TIAM1: variants seen among roughly 807,000 people sequenced by gnomAD.
TIAM1 encodes TIAM Rac1 associated GEF 1, also known as rho guanine nucleotide exchange factor TIAM1.
A neutral mutation model predicts 163.5 loss-of-function variants in TIAM1; 65 were observed. That is an observed-to-expected ratio of 0.40 (90% CI 0.33 to 0.49). The LOEUF (loss-of-function observed/expected upper bound fraction) is 0.49. Among genes scored for constraint, TIAM1 ranks in the 20% least tolerant of loss-of-function variants. The pLI is 0.77. For missense variants in TIAM1, 1,789 were observed against 2,044.7 expected (o/e 0.87, Z 2.41); for synonymous variants, 833 against 810.1 (o/e 1.03, Z -0.48).
Position 31,155,312 on chromosome 21 carries a change from G to C in TIAM1, c.2992-886C>G, listed in dbSNP as rs4452238. On this transcript the variant is annotated intron_variant, in intron 16 of 27. Coordinates refer to ENST00000541036, the MANE Select transcript of TIAM1 (RefSeq NM_001353694.2). Reference sequence around the variant, plus strand: ...TTGGCTGCTTATGAGAATCACTGGGGAGCTTTTCAACCTCCCGATGCCCAT... The same window carrying C: ...TTGGCTGCTTATGAGAATCACTGGGCAGCTTTTCAACCTCCCGATGCCCAT... Among the ~76,000 whole-genome samples the C allele has an allele frequency of 4.8e-3, 728 of 152,288 alleles. 5 individuals are homozygous for C. Among genetic ancestry groups the C allele is most frequent in the Non-Finnish European group, 8.3e-3 (562 of 68,038 alleles).
chr21:31,379,658 A>G (rs890401181), intron 2 of TIAM1, among the ~76,000 whole-genome samples: 1 of 152,228 alleles, frequency 6.6e-6, no homozygotes, highest in African/African-American at 2.4e-5. Flanking sequence ...TAAATAAAAT[A>G]TGGTACAGCC....
At chr21:31,348,616 T>G (rs1474309878), upstream of TIAM1, among the ~76,000 whole-genome samples, 1 of 152,252 alleles carries the variant, frequency 6.6e-6, no homozygotes, top group Non-Finnish European at 1.5e-5. Context: ...CCAAAATCAA[T>G]TTTTTATATT....
At chr21:31,347,763 T>C (rs1361995732), upstream of TIAM1, among the ~76,000 whole-genome samples, 2 of 148,264 alleles carry the variant, frequency 1.3e-5, no homozygotes. Flanking sequence ...CTGCAAACCC[T>C]GACACCCTTA....
intron 2 of TIAM1, among the ~76,000 whole-genome samples, chr21:31,358,187 G>A (rs1435041630): frequency 6.6e-6 from 1 of 152,128 alleles, no homozygotes; most frequent in Non-Finnish European, 1.5e-5. Flanking sequence ...AATGAGGCAG[G>A]GATAAAGGAC....
intron 2 of TIAM1, among the ~76,000 whole-genome samples, chr21:31,292,494 C>T (rs548488132): frequency 5.3e-5 from 8 of 151,690 alleles, no homozygotes; most frequent in South Asian, 4.2e-4. Flanking sequence ...CTCAGCCTCC[C>T]GAGTAGCTGG....
At chr21:31,131,269 A>C (rs2082404325) in intron 23 of TIAM1, among the ~76,000 whole-genome samples, 1 of 152,260 alleles carries the variant, frequency 6.6e-6, no homozygotes, top group African/African-American at 2.4e-5. Flanking sequence ...ATTCAACAAA[A>C]ATGTACTAAT....
chr21:31,503,828 A>G (rs2046943772), intron 1 of TIAM1, among the ~76,000 whole-genome samples: 1 of 151,276 alleles, frequency 6.6e-6, no homozygotes, highest in African/African-American at 2.4e-5. Context: ...AGACATCACT[A>G]GCCTAAAATA....
intron 4 of TIAM1, among the ~76,000 whole-genome samples, chr21:31,256,588 T>TAC (rs5030999): frequency 0.039 from 5,046 of 128,190 alleles, 226 homozygotes; most frequent in African/African-American, 0.091. Context: ...TACCCCTCAC[T>TAC]ACACACACAC....
intron 7 of TIAM1, among the ~76,000 whole-genome samples, chr21:31,225,016 C>CTA (rs1294784488): frequency 1.8e-4 from 28 of 152,036 alleles, no homozygotes; most frequent in Admixed American, 2.0e-4. Context: ...ATATATCTCT[C>CTA]TCTATATATA....
intron 2 of TIAM1, among the ~76,000 whole-genome samples, chr21:31,425,175 T>G (rs986461030): frequency 6.6e-6 from 1 of 152,194 alleles, no homozygotes; most frequent in Non-Finnish European, 1.5e-5. Context: ...ACTCTCATCC[T>G]GAACTCTCTT....
intron 2 of TIAM1, among the ~76,000 whole-genome samples, chr21:31,364,916 C>G (rs112397995): frequency 0.029 from 4,387 of 152,300 alleles, 94 homozygotes; most frequent in African/African-American, 0.065. Flanking sequence ...CATATACTCT[C>G]TATTGAGCTC....
At chr21:31,516,064 C>T (rs550400181) in intron 1 of TIAM1, among the ~76,000 whole-genome samples, 6 of 144,912 alleles carry the variant, frequency 4.1e-5, no homozygotes, top group African/African-American at 1.6e-4. Flanking sequence ...GCCAAGAAGG[C>T]GTCACCACAC....
intron 2 of TIAM1, among the ~76,000 whole-genome samples, chr21:31,364,585 T>C (rs1275326784): frequency 2.6e-5 from 4 of 152,210 alleles, no homozygotes; most frequent in Non-Finnish European, 5.9e-5. Context: ...GCTCTACCTA[T>C]AGGAATTGTT....
intron 17 of TIAM1, among the ~76,000 whole-genome samples, chr21:31,153,664 C>A (rs2083479928): frequency 1.3e-5 from 2 of 152,044 alleles, no homozygotes; most frequent in South Asian, 4.2e-4. Context: ...ATACCCTCAA[C>A]TTTTAAAAAA....
At chr21:31,519,640 T>C (rs750316575) in intron 1 of TIAM1, among the ~76,000 whole-genome samples, 11 of 150,748 alleles carry the variant, frequency 7.3e-5, no homozygotes, top group South Asian at 2.1e-4. Flanking sequence ...AGCCAAAAGA[T>C]AGAAGTAACC....
intron 1 of TIAM1, among the ~76,000 whole-genome samples, chr21:31,491,825 A>G (rs1373271022): frequency 1.3e-5 from 2 of 152,200 alleles, no homozygotes; most frequent in Non-Finnish European, 2.9e-5. Flanking sequence ...TCAAGGATGG[A>G]GGTTGGTGGG....
At chr21:31,444,865 G>A (rs987285982) in intron 2 of TIAM1, among the ~76,000 whole-genome samples, 11 of 152,130 alleles carry the variant, frequency 7.2e-5, no homozygotes, top group African/African-American at 1.2e-4. Context: ...ATGCATGGTC[G>A]CACATGCCTG....
chr21:31,339,415 G>T lies in TIAM1; in HGVS notation c.-361C>A. 2.5e-6 allele frequency: 1 copy of T among 398,592 alleles called. No homozygotes were observed. Among genetic ancestry groups the T allele is most frequent in the East Asian group, 3.6e-5 (1 of 28,086 alleles). 24.7% of individuals were successfully genotyped at this position (398,592 alleles called of 1,614,324 possible). A position where few individuals can be genotyped will look rare whatever the true frequency, so the allele number is the denominator to read the frequency against. ...AGAAAGGTGGGTCTCAGTCCACAGT[G>T]ATTCTACCTATAAGAGCAACATAAG... On this transcript the variant is annotated 5_prime_UTR_variant, in exon 2 of 28. Transcript: ENST00000541036.
At chr21:31,340,607 C>G (rs1284902062) in intron 1 of TIAM1, among the ~76,000 whole-genome samples, 2 of 152,152 alleles carry the variant, frequency 1.3e-5, no homozygotes, top group Non-Finnish European at 2.9e-5. Context: ...TCAAGCAACC[C>G]TCCCGTCTCA....
Sources: gnomAD v4.1 joint callset for allele counts (sites outside exome capture counted in the v4.1 genomes callset) on GRCh38, gnomAD v4.1.1 for gene constraint, MANE v1.5 for transcripts, NCBI Gene and HGNC (gene_info 2026-07-23, HGNC 2026-07-21) for gene names.